The following NRSN1 variants were observed in gnomAD, a reference collection of about 807,000 sequenced individuals.
NRSN1 encodes neurensin 1.
A neutral mutation model predicts 17.3 loss-of-function variants in NRSN1; 14 were observed. That is an observed-to-expected ratio of 0.81 (90% CI 0.54 to 1.27). The LOEUF is 1.27. Ranked by LOEUF, NRSN1 falls within the 50% of genes most tolerant of loss-of-function variation. NRSN1 has a pLI of 0.00. For missense variants in NRSN1, 209 were observed against 235.9 expected, an observed-to-expected ratio of 0.89 and a Z score of 0.75; for synonymous variants, 79 against 94.2, an observed-to-expected ratio of 0.84 and a Z score of 0.93.
At chr6:24,139,449 G>T (rs1760167564) in intron 3 of NRSN1, among the ~76,000 whole-genome samples, 1 of 152,196 alleles carries the variant, frequency 6.6e-6, no homozygotes, top group African/African-American at 2.4e-5. Flanking sequence ...GAGATAGAGT[G>T]ACTAAGATTT....
At chr6:24,137,875 A>G (rs542339955) in intron 3 of NRSN1, among the ~76,000 whole-genome samples, 1 of 151,812 alleles carries the variant, frequency 6.6e-6, no homozygotes, top group South Asian at 2.1e-4. Context: ...ACATGTGAGA[A>G]AGCAGGAACG....
At chr6:24,137,095 G>A (rs1760128446) in intron 3 of NRSN1, among the ~76,000 whole-genome samples, 1 of 152,102 alleles carries the variant, frequency 6.6e-6, no homozygotes, top group Non-Finnish European at 1.5e-5. Context: ...CAAATTGCTG[G>A]CTTCTCCTTT....
rs375671523 is a variant in NRSN1 at position 24,130,867 on chromosome 6, A to G, written c.-10+2667A>G. 5.3e-5 allele frequency among the ~76,000 whole-genome samples: 8 copies of G among 152,344 alleles called. No homozygotes were observed. The East Asian group carries it at 7.7e-4, about 15-fold the overall frequency. On this transcript the variant is annotated intron_variant, in intron 2 of 3. Coordinates refer to ENST00000378491, the MANE Select transcript of NRSN1 (RefSeq NM_080723.5). ...AAAATCCTGAAAAGCTACAACTGGA[A>G]GGAATTAGAGATTAATCTGGTCCAA...
At chr6:24,143,562 A>T (rs998735441) in intron 3 of NRSN1, among the ~76,000 whole-genome samples, 1 of 152,184 alleles carries the variant, frequency 6.6e-6, no homozygotes, top group Non-Finnish European at 1.5e-5. Context: ...AGATTAATTT[A>T]TGTTATGTAT....
rs1484150562 is a variant in NRSN1 at position 24,142,212 on chromosome 6, T to TTTTTTTTTTTTTTTTTTC, written c.190-3334_190-3333insTTTTTTTTTTTTTTTCTT. On this transcript the variant is annotated intron_variant, in intron 3 of 3. Coordinates refer to ENST00000378491, the MANE Select transcript of NRSN1 (RefSeq NM_080723.5). ...ACAGCTTTTTTTTTTTTTTTTTTTT[T>TTTTTTTTTTTTTTTTTTC]TTCAGAAGACATCCTATTGACTCTT... Among the ~76,000 whole-genome samples, 580 of 134,556 alleles carry TTTTTTTTTTTTTTTTTTC rather than the reference T, an allele frequency of 4.3e-3. 48 individuals are homozygous for TTTTTTTTTTTTTTTTTTC. The highest frequency in any genetic ancestry group is 7.0e-3 in the Non-Finnish European group (422 of 60,504). The allele number at this position is 134,556 out of a possible 152,430, so 88.3% of individuals were successfully genotyped here.
chr6:24,142,351 A>G (rs1760224635), intron 3 of NRSN1, among the ~76,000 whole-genome samples: 1 of 152,120 alleles, frequency 6.6e-6, no homozygotes, highest in Admixed American at 6.6e-5. Context: ...AGTAATGGCG[A>G]AGTATTATGG....
chr6:24,126,315 C>T lies in NRSN1; in HGVS notation c.-108C>T. On this transcript the variant is annotated 5_prime_UTR_variant, in exon 1 of 4. Coordinates refer to ENST00000378491, the MANE Select transcript of NRSN1 (RefSeq NM_080723.5). ...TCTGCAGCTAGGCTGGCTGCACTTGCTCCACGGGTCAGGGGATCGGAGGGG... is the reference window on the plus strand; with the variant it reads ...TCTGCAGCTAGGCTGGCTGCACTTGTTCCACGGGTCAGGGGATCGGAGGGG... 1 of 168,126 alleles carries T rather than the reference C, an allele frequency of 5.9e-6. No individual in the cohort carries two copies. Among genetic ancestry groups the T allele is most frequent in the South Asian group, 1.7e-4 (1 of 5,960 alleles). The allele number at this position is 168,126 out of a possible 1,614,324, so 10.4% of individuals were successfully genotyped here.
rs908197493 is a variant in NRSN1 at position 24,147,420 on chromosome 6, T to C, written c.*1474T>C. On this transcript the variant is annotated 3_prime_UTR_variant, in exon 4 of 4. Coordinates refer to ENST00000378491, the MANE Select transcript of NRSN1 (RefSeq NM_080723.5). ...AACAAGTGGAACCTGAATTGCATTG[T>C]CATTCCTTCAGTGTGGTTATTTTCT... is the stretch of plus-strand genomic sequence containing the variant. 2.6e-5 allele frequency: 4 copies of C among 151,600 alleles called. No individual in the cohort carries two copies. The highest frequency in any genetic ancestry group is 7.3e-5 in the African/African-American group (3 of 41,378). 9.4% of individuals were successfully genotyped at this position (151,600 alleles called of 1,614,324 possible).
intron 1 of NRSN1, among the ~76,000 whole-genome samples, chr6:24,127,066 A>G (rs893743957): frequency 6.6e-6 from 1 of 152,008 alleles, no homozygotes; most frequent in Admixed American, 6.5e-5. Context: ...AAGAAGAGAA[A>G]TGTAATTCAG....
intron 3 of NRSN1, among the ~76,000 whole-genome samples, chr6:24,139,707 A>T (rs973857088): frequency 2.0e-5 from 3 of 152,212 alleles, no homozygotes; most frequent in African/African-American, 4.8e-5. Flanking sequence ...TTGAAACTGT[A>T]GCTTCCAATT....
At chr6:24,126,516 CA>C (rs923956388) in intron 1 of NRSN1, among the ~76,000 whole-genome samples, 176 bp downstream of exon 1, 1 of 151,956 alleles carries the variant, frequency 6.6e-6, no homozygotes, top group Non-Finnish European at 1.5e-5. Context: ...CCAATCTCCA[CA>C]AAAAACATGC....
chr6:24,140,790 C>T lies in NRSN1; in HGVS notation c.190-4758C>T, dbSNP rs141636531. On this transcript the variant is annotated intron_variant, in intron 3 of 3. Coordinates refer to ENST00000378491, the MANE Select transcript of NRSN1 (RefSeq NM_080723.5). ...TATTGGAGTAAACTGCATTTTCAGGCCTCATCAGCTCACTGGGAAACAATG... is the reference window on the plus strand; with the variant it reads ...TATTGGAGTAAACTGCATTTTCAGGTCTCATCAGCTCACTGGGAAACAATG... 7.4e-5 allele frequency: 88 copies of T among 1,185,396 alleles called. No homozygotes were observed. The East Asian group carries it at 2.8e-3, about 38-fold the overall frequency. 73.4% of individuals were successfully genotyped at this position (1,185,396 alleles called of 1,614,324 possible).
intron 3 of NRSN1, among the ~76,000 whole-genome samples, chr6:24,143,103 C>A (rs1760242718): frequency 6.6e-6 from 1 of 152,100 alleles, no homozygotes; most frequent in Admixed American, 6.6e-5. Context: ...GTTTACAAAC[C>A]TTTAGCTAGA....
At chr6:24,127,442 T>TA (rs1759966097) in intron 1 of NRSN1, among the ~76,000 whole-genome samples, 5 of 152,302 alleles carry the variant, frequency 3.3e-5, no homozygotes, top group East Asian at 1.9e-4. Flanking sequence ...AATGATCCCA[T>TA]AAAAAATATG....
intron 3 of NRSN1, among the ~76,000 whole-genome samples, chr6:24,139,662 T>G (rs1226513677): frequency 6.6e-6 from 1 of 151,810 alleles, no homozygotes; most frequent in Non-Finnish European, 1.5e-5. Context: ...CAGGCTGGAG[T>G]TGGAGGTTTG....
intron 2 of NRSN1, among the ~76,000 whole-genome samples, chr6:24,134,105 C>T (rs1414530390): frequency 6.6e-6 from 1 of 151,884 alleles, no homozygotes; most frequent in Non-Finnish European, 1.5e-5. Context: ...ACCTCGTGAT[C>T]CTCCCTCCTC....
chr6:24,127,366 T>A (rs2113709955), intron 1 of NRSN1, among the ~76,000 whole-genome samples: 1 of 152,312 alleles, frequency 6.6e-6, no homozygotes, highest in East Asian at 1.9e-4. Flanking sequence ...CAGCTAGGCT[T>A]ACTCACCTCA....
At chr6:24,140,672 G>C (rs1024766732) in intron 3 of NRSN1, among the ~76,000 whole-genome samples, 4 of 152,214 alleles carry the variant, frequency 2.6e-5, no homozygotes, top group African/African-American at 9.6e-5. Context: ...ACGCCAGGCC[G>C]TTCTTCCCAG....
rs933868711 is a variant in NRSN1 at position 24,145,064 on chromosome 6, T to C, written c.190-484T>C. 6.9e-5 allele frequency among the ~76,000 whole-genome samples: 10 copies of C among 145,084 alleles called. No homozygotes were observed. Among genetic ancestry groups the C allele is most frequent in the African/African-American group, 2.3e-4 (9 of 39,914 alleles). ...ATATATATTATATATAATATATATCTTTAGGTATATAATATATATTATATA... is the reference window on the plus strand; with the variant it reads ...ATATATATTATATATAATATATATCCTTAGGTATATAATATATATTATATA... On this transcript the variant is annotated intron_variant, in intron 3 of 3. Coordinates refer to ENST00000378491, the MANE Select transcript of NRSN1 (RefSeq NM_080723.5). This position sits in a 1 kb window ranked among gnomAD's most constrained non-coding sequence, Gnocchi z 4.4.
Sources: allele counts gnomAD v4.1 joint callset (sites outside exome capture counted in the v4.1 genomes callset), GRCh38; gene constraint gnomAD v4.1.1; non-coding constraint Gnocchi (gnomAD v3.1); transcripts MANE v1.5; gene names NCBI Gene and HGNC (gene_info 2026-07-23, HGNC 2026-07-21).